The following KLF12 variants were observed in gnomAD, a reference collection of about 807,000 sequenced individuals.
KLF12 encodes Krueppel-like factor 12.
Under a neutral mutation model 37.8 loss-of-function variants are expected in KLF12, and 9 were observed. The ratio of observed to expected loss-of-function variants is 0.24; its 90% CI spans 0.14 to 0.42. The LOEUF (loss-of-function observed/expected upper bound fraction) is 0.42. Among genes scored for constraint, KLF12 ranks in the 10% least tolerant of loss-of-function variants. The probability of loss-of-function intolerance (pLI) is 1.00; values close to 1 mark genes in which losing one functional copy is unlikely to be tolerated. For missense variants in KLF12, 411 were observed against 516.0 expected (o/e 0.80, Z 1.97); for synonymous variants, 208 against 202.1 (o/e 1.03, Z -0.25).
In KLF12 at chr13:74,079,478, G is replaced by C. The variant is rs1020126462; in HGVS notation, c.-32+54261C>G. The stretch of plus-strand genomic sequence containing the variant: ...GGACTCGCAAAACTATAAAACTCTC[G>C]ATCTGGAAAGGACCTAAATTCAACC... On this transcript the variant is annotated intron_variant, in intron 1 of 7. Coordinates refer to ENST00000377669, the MANE Select transcript of KLF12 (RefSeq NM_007249.5). Among the ~76,000 whole-genome samples the C allele has an allele frequency of 3.3e-5, 5 of 152,142 alleles. No homozygotes were observed. In the South Asian group the frequency reaches 6.2e-4, roughly 19 times the overall value.
rs146654644 is a variant in KLF12 at position 74,062,670 on chromosome 13, T to C, written c.-31-67617A>G. ...GATATTCAATTTGTCTTCAATATGC[T>C]GATAAATTATCTATAAATCTGTCTT... On this transcript the variant is annotated intron_variant, in intron 1 of 7. Transcript: ENST00000377669. 5.6e-3 allele frequency among the ~76,000 whole-genome samples: 848 copies of C among 152,356 alleles called. 4 individuals carry two copies. Among genetic ancestry groups the C allele is most frequent in the Non-Finnish European group, 8.9e-3 (607 of 68,026 alleles).
chr13:74,196,629 C>T, the KLF12 span, among the ~76,000 whole-genome samples: 1 of 152,140 alleles, frequency 6.6e-6, no homozygotes, highest in Admixed American at 6.5e-5. Flanking sequence ...TGAGTTTCTG[C>T]TCCACTGGCT....
At chr13:74,107,553 C>T (rs964474582) in intron 1 of KLF12, among the ~76,000 whole-genome samples, 15 of 152,140 alleles carry the variant, frequency 9.9e-5, no homozygotes, top group African/African-American at 1.9e-4. Context: ...TGTATTTGTG[C>T]GCATGCGCAC....
rs557844289 is a variant in KLF12 at position 73,955,731 on chromosome 13, G to A, written c.34-11661C>T. Among the ~76,000 whole-genome samples, 11 of 152,316 alleles carry A rather than the reference G, an allele frequency of 7.2e-5. No individual in the cohort carries two copies. The East Asian group carries it at 2.1e-3, about 29-fold the overall frequency. ...CGTATTTAACAAACAGATTACTGGA[G>A]AAGTTATCCACAAAGTGGCCTGTAA... On this transcript the variant is annotated intron_variant, in intron 2 of 7. Transcript: ENST00000377669.
chr13:73,696,872 G>C (rs554430340), intron 7 of KLF12, among the ~76,000 whole-genome samples: 1 of 152,300 alleles, frequency 6.6e-6, no homozygotes, highest in South Asian at 2.1e-4. Context: ...ACTTCAGACA[G>C]AGTTAGTGTC....
chr13:73,973,322 G>A (rs560954387), intron 2 of KLF12, among the ~76,000 whole-genome samples: 2 of 152,258 alleles, frequency 1.3e-5, no homozygotes, highest in African/African-American at 4.8e-5. Flanking sequence ...CTCCCTTAGC[G>A]GTAGCTTCCT....
chr13:74,170,236 A>G, the KLF12 span, among the ~76,000 whole-genome samples: 1 of 152,226 alleles, frequency 6.6e-6, no homozygotes, highest in African/African-American at 2.4e-5. Flanking sequence ...TTTCATGGGA[A>G]ATAATTAAAA....
chr13:74,014,258 G>T (rs1262064798), intron 1 of KLF12, among the ~76,000 whole-genome samples: 1 of 152,194 alleles, frequency 6.6e-6, no homozygotes. Context: ...CCAGTGGATA[G>T]AGGACACCCC....
At chr13:73,695,717 T>G (rs781606736) in intron 7 of KLF12, 46 bp from the exon 8 acceptor site, 1 of 1,578,126 alleles carries the variant, frequency 6.3e-7, no homozygotes, top group Non-Finnish European at 8.7e-7. Context: ...CATCCATCAC[T>G]TTGCCATAAC....
At chr13:73,760,043 T>A (rs777972245) in intron 6 of KLF12, among the ~76,000 whole-genome samples, 2 of 152,112 alleles carry the variant, frequency 1.3e-5, no homozygotes, top group Admixed American at 1.3e-4. Context: ...GCACCATACA[T>A]CCACACTAAA....
At chr13:74,187,668 G>GATTTGGGCAAGGGA in the KLF12 span, among the ~76,000 whole-genome samples, 1 of 152,160 alleles carries the variant, frequency 6.6e-6, no homozygotes. Flanking sequence ...GCCCAAGTTT[G>GATTTGGGCAAGGGA]ATTTGCCCTA....
chr13:73,699,356 A>T (rs964085968), intron 7 of KLF12, among the ~76,000 whole-genome samples: 2 of 152,122 alleles, frequency 1.3e-5, no homozygotes, highest in African/African-American at 4.8e-5. Flanking sequence ...GCTGCATTCC[A>T]GCCTGTGTGA....
the KLF12 span, among the ~76,000 whole-genome samples, chr13:74,212,596 C>G: frequency 3.3e-5 from 5 of 152,084 alleles, no homozygotes; most frequent in Non-Finnish European, 7.4e-5. Flanking sequence ...CAGATCAGAA[C>G]CTTGGGAAGC....
the KLF12 span, among the ~76,000 whole-genome samples, chr13:74,188,897 G>A: frequency 8.6e-5 from 13 of 151,990 alleles, no homozygotes; most frequent in South Asian, 8.3e-4. Flanking sequence ...CTTGGGAGGC[G>A]GAGACACGAG....
At chr13:74,263,881 A>G in the KLF12 span, among the ~76,000 whole-genome samples, 1 of 152,328 alleles carries the variant, frequency 6.6e-6, no homozygotes, top group East Asian at 1.9e-4. Context: ...ATTTTGGAGT[A>G]TACAATAAAT....
At chr13:73,927,045 T>G (rs978527977) in intron 3 of KLF12, among the ~76,000 whole-genome samples, 6 of 152,072 alleles carry the variant, frequency 3.9e-5, no homozygotes, top group Admixed American at 3.9e-4. Context: ...AAGGGTGTCA[T>G]GTATGAAACT....
the KLF12 span, among the ~76,000 whole-genome samples, chr13:74,242,856 A>G: frequency 1.4e-3 from 213 of 152,310 alleles, 1 homozygote; most frequent in African/African-American, 4.8e-3. Flanking sequence ...ACGTGTACAT[A>G]GAATTTCTGG....
chr13:73,899,449 T>C (rs1049881934), intron 3 of KLF12, among the ~76,000 whole-genome samples: 1 of 152,192 alleles, frequency 6.6e-6, no homozygotes, highest in Non-Finnish European at 1.5e-5. Context: ...AAACAGAATA[T>C]ATATTCCCTC....
chr13:74,227,933 A>G, the KLF12 span, among the ~76,000 whole-genome samples: 1 of 152,192 alleles, frequency 6.6e-6, no homozygotes. Context: ...TCTTTGGTAG[A>G]AGAATGTTTA....
Sources: allele counts gnomAD v4.1 joint callset (sites outside exome capture counted in the v4.1 genomes callset), GRCh38; gene constraint gnomAD v4.1.1; transcripts MANE v1.5; gene names NCBI Gene and HGNC (gene_info 2026-07-23, HGNC 2026-07-21).